PPIL4: variants seen among roughly 807,000 people sequenced by gnomAD.
The protein encoded by PPIL4 is peptidyl-prolyl cis-trans isomerase-like 4.
A neutral mutation model predicts 69.1 loss-of-function variants in PPIL4; 50 were observed. The observed-to-expected ratio is 0.72, with a 90% CI of 0.58 to 0.92. The LOEUF is 0.92. Ranked by LOEUF, PPIL4 falls within the 40% of genes least tolerant of loss-of-function variation. The pLI is 0.00. For synonymous variants in PPIL4, 193 were observed against 191.6 expected (o/e 1.01, Z -0.06); for missense variants, 480 against 587.9 (o/e 0.82, Z 1.90).
At chr6:149,533,321 C>T in intron 7 of PPIL4, 137 bp downstream of exon 7, 1 of 585,454 alleles carries the variant, frequency 1.7e-6, no homozygotes, top group Non-Finnish European at 3.0e-6. Flanking sequence ...TATTACTATG[C>T]CATACCAAAT....
At chr6:149,543,641 T>A (rs530582363) in intron 1 of PPIL4, among the ~76,000 whole-genome samples, 3 of 152,100 alleles carry the variant, frequency 2.0e-5, no homozygotes, top group South Asian at 4.2e-4. Context: ...CCCTGTCAAG[T>A]TTTTTTTCTT....
chr6:149,528,509 A>C (rs1030399505), intron 7 of PPIL4, among the ~76,000 whole-genome samples: 4 of 152,270 alleles, frequency 2.6e-5, no homozygotes, highest in Non-Finnish European at 5.9e-5. Flanking sequence ...CAAATGCAAT[A>C]AAGTAAGAGA....
rs535781309 is a variant in PPIL4, at chr6:149,534,064, G to A, written c.562-490C>T. ...CCAGCAACTCAAGAGGCTGAGGCAC[G>A]AGAATTGCTTGAATGAGGAAGGCAG... is the stretch of plus-strand genomic sequence containing the variant. On this transcript the variant is annotated intron_variant, in intron 6 of 12. Transcript: ENST00000253329. 1.1e-3 allele frequency among the ~76,000 whole-genome samples: 173 copies of A among 152,138 alleles called. 1 individual carries two copies. The highest frequency in any genetic ancestry group is 6.2e-3 in the South Asian group (30 of 4,818).
chr6:149,527,114 T>C (rs1777119513), intron 7 of PPIL4, among the ~76,000 whole-genome samples: 1 of 152,226 alleles, frequency 6.6e-6, no homozygotes, highest in South Asian at 2.1e-4. Context: ...ATCCCAGCAC[T>C]TTGGGAGGCC....
chr6:149,541,902 T>C (rs1052766487), intron 1 of PPIL4, among the ~76,000 whole-genome samples: 1 of 151,898 alleles, frequency 6.6e-6, no homozygotes, highest in Admixed American at 6.6e-5. Flanking sequence ...TAATCCCAGC[T>C]ACTAGGGAGG....
At chr6:149,519,443 G>A (rs1776997228) in intron 10 of PPIL4, among the ~76,000 whole-genome samples, 1 of 152,092 alleles carries the variant, frequency 6.6e-6, no homozygotes, top group Non-Finnish European at 1.5e-5. Context: ...TATACTTACT[G>A]GAATCTTTCA....
chr6:149,507,749 C>G (rs1776788542), intron 12 of PPIL4, among the ~76,000 whole-genome samples: 1 of 152,150 alleles, frequency 6.6e-6, no homozygotes, highest in Non-Finnish European at 1.5e-5. Context: ...AAAATCACTC[C>G]TACTCGGGAG....
chr6:149,513,768 T>C (rs1249238158), intron 11 of PPIL4, among the ~76,000 whole-genome samples: 1 of 152,144 alleles, frequency 6.6e-6, no homozygotes, highest in Non-Finnish European at 1.5e-5. Context: ...TTAAATTTCA[T>C]CTAAATGTGT....
chr6:149,520,560 GGTGCACACATGCATGTGT>G (rs1367063951), intron 10 of PPIL4, among the ~76,000 whole-genome samples: 1 of 146,462 alleles, frequency 6.8e-6, no homozygotes, highest in Non-Finnish European at 1.5e-5. Flanking sequence ...TACACGCACA[GGTGCACACATGCATGTGT>G]GTGCACACAC....
intron 8 of PPIL4, 23 bp from the exon 9 acceptor site, chr6:149,525,232 G>T: frequency 1.6e-6 from 2 of 1,254,384 alleles, no homozygotes; most frequent in Non-Finnish European, 2.2e-6. Flanking sequence ...ATTTAAAAGT[G>T]ACTTAAAAAA....
At chr6:149,525,801 TA>T (rs1562259648) in intron 8 of PPIL4, among the ~76,000 whole-genome samples, 1 of 152,180 alleles carries the variant, frequency 6.6e-6, no homozygotes, top group South Asian at 2.1e-4. Flanking sequence ...AGTCTCATTT[TA>T]AAAACCTCAT....
At position 149,517,528 on chromosome 6, in the gene PPIL4, A is replaced by G. The variant is rs886683321; in HGVS notation, c.983-78T>C. ...GAACAATAATTATTTTATAAAAAGC[A>G]TAAGAGCTATTTTATAAATGGCATA... On this transcript the variant is annotated intron_variant, in intron 10 of 12. Coordinates refer to ENST00000253329, the MANE Select transcript of PPIL4 (RefSeq NM_139126.4). The G allele has an allele frequency of 2.3e-5, 15 of 657,750 alleles. No individual in the cohort carries two copies. The East Asian group carries it at 3.2e-4, about 14-fold the overall frequency. The allele number at this position is 657,750 out of a possible 1,614,324, so 40.7% of individuals were successfully genotyped here. A position where few individuals can be genotyped will look rare whatever the true frequency, so the allele number is the denominator to read the frequency against.
rs1777412903 is a variant in PPIL4, at chr6:149,544,711, A to G, written c.70+1225T>C. Among the ~76,000 whole-genome samples the G allele has an allele frequency of 2.0e-5, 3 of 152,226 alleles. No individual in the cohort carries two copies. In the South Asian group the frequency reaches 6.2e-4, roughly 31 times the overall value. ...GTAGTAAGTTTGCCAGAAGGACAAT[A>G]GTGGAGAAGAATATTGTTTAGAAGA... On this transcript the variant is annotated intron_variant, in intron 1 of 12. Coordinates refer to ENST00000253329, the MANE Select transcript of PPIL4 (RefSeq NM_139126.4).
chr6:149,541,663 G>A, intron 1 of PPIL4, 77 bp from the exon 2 acceptor site: 1 of 828,150 alleles, frequency 1.2e-6, no homozygotes, highest in Non-Finnish European at 2.0e-6. Context: ...ACAGTAAAAT[G>A]TAATTTCTAA....
At chr6:149,518,669 TAACA>T (rs1441163362) in intron 10 of PPIL4, among the ~76,000 whole-genome samples, 1 of 152,186 alleles carries the variant, frequency 6.6e-6, no homozygotes, top group African/African-American at 2.4e-5. Flanking sequence ...CTGGTAATGG[TAACA>T]AACAGCCATC....
At chr6:149,508,014 G>A (rs2115025643) in intron 12 of PPIL4, among the ~76,000 whole-genome samples, 1 of 152,318 alleles carries the variant, frequency 6.6e-6, no homozygotes, top group African/African-American at 2.4e-5. Context: ...GTATGAAGGG[G>A]AAAAGTTAAA....
In PPIL4 at chr6:149,504,709, A is replaced by G. The variant is rs186721596; in HGVS notation, c.*744T>C. On this transcript the variant is annotated 3_prime_UTR_variant, in exon 13 of 13. Coordinates refer to ENST00000253329, the MANE Select transcript of PPIL4 (RefSeq NM_139126.4). ...AACAAAGGTAACTCACAGTGCCAAG[A>G]GAGGTATAAACTAGTACAGTCACTT... is the stretch of plus-strand genomic sequence containing the variant. The G allele has an allele frequency of 8.5e-5, 13 of 152,340 alleles. No homozygotes were observed. The highest frequency in any genetic ancestry group is 3.4e-3 in the Middle Eastern group (1 of 294). The allele number at this position is 152,340 out of a possible 1,614,324, so 9.4% of individuals were successfully genotyped here. A position where few individuals can be genotyped will look rare whatever the true frequency, so the allele number is the denominator to read the frequency against.
At chr6:149,505,848 C>T in intron 12 of PPIL4, 144 bp from the exon 13 acceptor site, 1 of 665,746 alleles carries the variant, frequency 1.5e-6, no homozygotes, top group Non-Finnish European at 2.5e-6. Flanking sequence ...TGTCAAGAAT[C>T]TTGTAAATTA....
intron 10 of PPIL4, among the ~76,000 whole-genome samples, chr6:149,520,581 GCA>G (rs34268228): frequency 0.26 from 39,030 of 149,456 alleles, 6,398 homozygotes; most frequent in East Asian, 0.77. Flanking sequence ...GCATGTGTGT[GCA>G]CACACACACA....
Sources: gnomAD v4.1 joint callset for allele counts (sites outside exome capture counted in the v4.1 genomes callset) on GRCh38, gnomAD v4.1.1 for gene constraint, MANE v1.5 for transcripts, NCBI Gene and HGNC (gene_info 2026-07-23, HGNC 2026-07-21) for gene names.